Variants in TRABD2B observed in about 807,000 individuals in gnomAD.
TRABD2B encodes the protein TraB domain containing 2B.
In TRABD2B, 14 loss-of-function variants were observed where a neutral mutation model predicts 40.1. That is an observed-to-expected ratio of 0.35 (90% CI 0.23 to 0.55). The LOEUF (loss-of-function observed/expected upper bound fraction) is 0.55, where lower values mean the gene tolerates loss of function less well. TRABD2B is among the 20% of genes least tolerant of loss of function. The pLI is 0.90. For missense variants in TRABD2B, 541 were observed against 648.6 expected, an observed-to-expected ratio of 0.83 and a Z score of 1.80; for synonymous variants, 263 against 277.0, an observed-to-expected ratio of 0.95 and a Z score of 0.50.
intron 2 of TRABD2B, among the ~76,000 whole-genome samples, chr1:47,909,477 A>G (rs1351528080): frequency 1.3e-5 from 1 of 74,266 alleles, no homozygotes; most frequent in African/African-American, 5.4e-5. Flanking sequence ...GGGGAAGGAG[A>G]AGGAGAAGGA....
At chr1:47,798,302 C>G (rs1644775511) in intron 3 of TRABD2B, among the ~76,000 whole-genome samples, 1 of 152,208 alleles carries the variant, frequency 6.6e-6, no homozygotes, top group Non-Finnish European at 1.5e-5. Context: ...TGTTAATTAT[C>G]TTGATCCTCA....
intron 2 of TRABD2B, among the ~76,000 whole-genome samples, chr1:47,848,544 C>T (rs1168751744): frequency 6.6e-6 from 1 of 152,216 alleles, no homozygotes; most frequent in Non-Finnish European, 1.5e-5. Flanking sequence ...GCTTCCAGCC[C>T]ATGGTTTTGC....
chr1:47,874,299 C>T (rs1377295716), intron 2 of TRABD2B, among the ~76,000 whole-genome samples: 1 of 125,002 alleles, frequency 8.0e-6, no homozygotes, highest in Non-Finnish European at 1.6e-5. Context: ...CGCTCTGTCG[C>T]CCAGGCCGGA....
At chr1:47,971,697 T>G (rs766791451) in intron 2 of TRABD2B, among the ~76,000 whole-genome samples, 1 of 152,092 alleles carries the variant, frequency 6.6e-6, no homozygotes, top group Non-Finnish European at 1.5e-5. Context: ...ACCTCCTCAA[T>G]TGCTTTTCTT....
At chr1:47,868,577 A>T (rs573579330) in intron 2 of TRABD2B, among the ~76,000 whole-genome samples, 1 of 152,242 alleles carries the variant, frequency 6.6e-6, no homozygotes, top group African/African-American at 2.4e-5. Flanking sequence ...CAGGAACCCT[A>T]TTGTGAACTG....
chr1:47,818,359 A>T (rs1206593287), intron 2 of TRABD2B: 2 of 152,362 alleles, frequency 1.3e-5, no homozygotes, highest in African/African-American at 4.8e-5. Flanking sequence ...AGTAACCCCG[A>T]GTCCTTCTTC....
At chr1:47,855,567 T>G (rs1643882177) in intron 2 of TRABD2B, among the ~76,000 whole-genome samples, 1 of 152,274 alleles carries the variant, frequency 6.6e-6, no homozygotes, top group Admixed American at 6.5e-5. Context: ...TCATCCATTC[T>G]GACAGCTGTC....
rs1327907572 is a variant in TRABD2B at position 47,996,887 on chromosome 1, G to T, written c.-98C>A. The T allele has an allele frequency of 5.3e-6, 6 of 1,133,952 alleles. No homozygotes were observed. Among genetic ancestry groups the T allele is most frequent in the African/African-American group, 3.3e-5 (2 of 61,062 alleles). The allele number at this position is 1,133,952 out of a possible 1,614,324, so 70.2% of individuals were successfully genotyped here. Reference sequence around the variant, plus strand: ...GGGCACGGAGTTTCCTCTGGAGCACGGGGCTCCAGCCGCAGGATGCTGGGC... The same window carrying T: ...GGGCACGGAGTTTCCTCTGGAGCACTGGGCTCCAGCCGCAGGATGCTGGGC... On this transcript the variant is annotated 5_prime_UTR_variant, in exon 1 of 7. Transcript: ENST00000606738. The surrounding 1 kb of genome is among the most constrained non-coding windows in gnomAD (Gnocchi z 4.6).
At chr1:47,910,202 A>C (rs1030559894) in intron 2 of TRABD2B, among the ~76,000 whole-genome samples, 6 of 152,090 alleles carry the variant, frequency 3.9e-5, no homozygotes, top group Admixed American at 1.3e-4. Context: ...ACAAGCATCC[A>C]AACCATATCA....
At chr1:47,769,519 G>T (rs1044348889) in intron 6 of TRABD2B, among the ~76,000 whole-genome samples, 3 of 152,214 alleles carry the variant, frequency 2.0e-5, no homozygotes, top group Non-Finnish European at 2.9e-5. Flanking sequence ...TGGGTGGGGG[G>T]TGTGGAGGAC....
intron 2 of TRABD2B, among the ~76,000 whole-genome samples, chr1:47,840,005 T>A (rs1460677368): frequency 1.3e-5 from 2 of 152,158 alleles, no homozygotes; most frequent in Non-Finnish European, 2.9e-5. Context: ...CCCTGTAAAC[T>A]GTGAGTTCCT....
chr1:47,819,578 G>A (rs1645079162), intron 2 of TRABD2B: 1 of 152,186 alleles, frequency 6.6e-6, no homozygotes, highest in African/African-American at 2.4e-5. Flanking sequence ...GGCCTGGTGT[G>A]GACACGGCAA....
At chr1:47,780,840 G>A (rs1644511575) in intron 4 of TRABD2B, among the ~76,000 whole-genome samples, 2 of 152,232 alleles carry the variant, frequency 1.3e-5, no homozygotes, top group African/African-American at 2.4e-5. Flanking sequence ...ACCTAGTGCT[G>A]TTGAGGACAA....
intron 2 of TRABD2B, among the ~76,000 whole-genome samples, chr1:47,909,161 G>A (rs1395699618): frequency 6.6e-6 from 1 of 152,218 alleles, no homozygotes; most frequent in Non-Finnish European, 1.5e-5. Flanking sequence ...GTGTGGACAC[G>A]TTCTAATTTT....
chr1:47,911,639 T>C (rs1342105883), intron 2 of TRABD2B, among the ~76,000 whole-genome samples: 1 of 152,226 alleles, frequency 6.6e-6, no homozygotes, highest in Admixed American at 6.5e-5. Context: ...GAGGAGCTTA[T>C]GGGCTATTGC....
At chr1:47,794,550 T>C in intron 4 of TRABD2B, 36 bp downstream of exon 4, 1 of 1,485,932 alleles carries the variant, frequency 6.7e-7, no homozygotes, top group South Asian at 1.3e-5. Flanking sequence ...TCTCCCAGGA[T>C]TCTGCAAACA....
intron 4 of TRABD2B, among the ~76,000 whole-genome samples, chr1:47,781,556 A>C (rs1644523762): frequency 6.6e-6 from 1 of 152,044 alleles, no homozygotes; most frequent in Non-Finnish European, 1.5e-5. Context: ...ACCATTCCAC[A>C]CCTTTATTGT....
intron 2 of TRABD2B, among the ~76,000 whole-genome samples, chr1:47,803,582 G>A (rs1409316035): frequency 1.3e-5 from 2 of 152,282 alleles, no homozygotes; most frequent in East Asian, 1.9e-4. Context: ...AGATGCATGA[G>A]TGGAAAACTC....
intron 2 of TRABD2B, among the ~76,000 whole-genome samples, chr1:47,902,658 A>G (rs1414871351): frequency 6.6e-6 from 1 of 151,770 alleles, no homozygotes. Flanking sequence ...CACTATGCCT[A>G]GTTAATTTTT....
Sources: gnomAD v4.1 joint callset for allele counts (sites outside exome capture counted in the v4.1 genomes callset) on GRCh38, gnomAD v4.1.1 for gene constraint, Gnocchi (gnomAD v3.1) non-coding constraint, MANE v1.5 for transcripts, NCBI Gene and HGNC (gene_info 2026-07-23, HGNC 2026-07-21) for gene names.